The following PTK2B variants were observed in gnomAD, a reference collection of about 807,000 sequenced individuals.
PTK2B encodes protein tyrosine kinase 2 beta, also known as protein-tyrosine kinase 2-beta.
PTK2B carries 71 observed loss-of-function variants against 142.9 expected under a neutral mutation model. That is an observed-to-expected ratio of 0.50 (90% CI 0.41 to 0.61). The LOEUF (loss-of-function observed/expected upper bound fraction) is 0.61. Among genes scored for constraint, PTK2B ranks in the 20% least tolerant of loss-of-function variants. The pLI is 0.00. For missense variants in PTK2B, 1,105 were observed against 1,320.4 expected, an observed-to-expected ratio of 0.84 and a Z score of 2.53; for synonymous variants, 519 against 503.4, an observed-to-expected ratio of 1.03 and a Z score of -0.42.
At chr8:27,447,864 T>TAAA (rs1034056765) in intron 24 of PTK2B, among the ~76,000 whole-genome samples, 7 of 152,022 alleles carry the variant, frequency 4.6e-5, no homozygotes, top group African/African-American at 1.7e-4. Flanking sequence ...GTCTCAAAAA[T>TAAA]AAAAATAAAT....
In PTK2B at chr8:27,439,289, A is replaced by G. The variant is rs1811002682; in HGVS notation, c.1745-20A>G. 5.0e-6 allele frequency: 8 copies of G among 1,599,690 alleles called. No individual in the cohort carries two copies. Among genetic ancestry groups the G allele is most frequent in the Non-Finnish European group, 6.0e-6 (7 of 1,167,084 alleles). ...TCTGATCTTTCTTCCCTAAAAATCAACCTCTTTGCCCACCCAAAGCCTCTG... is the reference window on the plus strand; with the variant it reads ...TCTGATCTTTCTTCCCTAAAAATCAGCCTCTTTGCCCACCCAAAGCCTCTG... On this transcript the variant is annotated intron_variant, in intron 19 of 30. Transcript: ENST00000346049.
chr8:27,350,426 A>G (rs1804975851), intron 1 of PTK2B, among the ~76,000 whole-genome samples: 1 of 152,172 alleles, frequency 6.6e-6, no homozygotes, highest in East Asian at 1.9e-4. Context: ...ATCTCAGCAG[A>G]TAAGATAGGA....
intron 1 of PTK2B, among the ~76,000 whole-genome samples, chr8:27,346,405 G>A (rs761097480): frequency 6.6e-6 from 1 of 152,134 alleles, no homozygotes; most frequent in Non-Finnish European, 1.5e-5. Flanking sequence ...AATTAGCCTG[G>A]TGTGGGGGCA....
chr8:27,373,580 G>A (rs1311266429), intron 1 of PTK2B, among the ~76,000 whole-genome samples: 2 of 152,138 alleles, frequency 1.3e-5, no homozygotes, highest in Non-Finnish European at 2.9e-5. Context: ...TGCTTGGGGG[G>A]CTGAGGCAGG....
At chr8:27,374,208 A>G (rs1300108732) in intron 1 of PTK2B, among the ~76,000 whole-genome samples, 1 of 152,210 alleles carries the variant, frequency 6.6e-6, no homozygotes, top group Non-Finnish European at 1.5e-5. Flanking sequence ...AAGTATTTGC[A>G]GGGCACACAA....
chr8:27,377,660 C>A (rs1167055143), intron 1 of PTK2B, among the ~76,000 whole-genome samples: 1 of 152,204 alleles, frequency 6.6e-6, no homozygotes, highest in African/African-American at 2.4e-5. Context: ...AGACAAAGAG[C>A]TAGTACACTG....
At chr8:27,321,887 A>C (rs929100497), upstream of PTK2B, among the ~76,000 whole-genome samples, 6 of 152,166 alleles carry the variant, frequency 3.9e-5, no homozygotes, top group African/African-American at 1.4e-4. Context: ...TTTGGCCTCA[A>C]CTGTGGCCCA....
upstream of PTK2B, among the ~76,000 whole-genome samples, chr8:27,321,222 T>G (rs934920683): frequency 1.3e-5 from 2 of 151,916 alleles, no homozygotes; most frequent in African/African-American, 4.8e-5. Context: ...CCTCGAACTC[T>G]TGGCCTCAAG....
At chr8:27,414,588 G>A (rs187728777) in intron 2 of PTK2B, among the ~76,000 whole-genome samples, 335 of 152,250 alleles carry the variant, frequency 2.2e-3, no homozygotes, top group African/African-American at 7.6e-3. Context: ...ATGAAGCTCA[G>A]TTTCTCTCTC....
At chr8:27,346,191 C>T (rs1804699878) in intron 1 of PTK2B, among the ~76,000 whole-genome samples, 1 of 152,168 alleles carries the variant, frequency 6.6e-6, no homozygotes, top group African/African-American at 2.4e-5. Context: ...CAGGGAAGAG[C>T]TCATAAAAGA....
intron 5 of PTK2B, among the ~76,000 whole-genome samples, chr8:27,429,681 A>G (rs552038355): frequency 6.6e-6 from 1 of 152,354 alleles, no homozygotes; most frequent in African/African-American, 2.4e-5. Context: ...ATACACACAT[A>G]TAATATCTCA....
chr8:27,344,571 T>C (rs896577906), intron 1 of PTK2B, among the ~76,000 whole-genome samples: 2 of 152,262 alleles, frequency 1.3e-5, no homozygotes, highest in African/African-American at 4.8e-5. Context: ...GTTACTTGTA[T>C]TGATGGCATA....
At chr8:27,334,694 C>G (rs1320051598) in intron 1 of PTK2B, among the ~76,000 whole-genome samples, 1 of 152,216 alleles carries the variant, frequency 6.6e-6, no homozygotes, top group Non-Finnish European at 1.5e-5. Context: ...TCCCTGCACA[C>G]TCATGCCTGG....
At chr8:27,377,289 A>C (rs1156248362) in intron 1 of PTK2B, among the ~76,000 whole-genome samples, 1 of 152,186 alleles carries the variant, frequency 6.6e-6, no homozygotes, top group Non-Finnish European at 1.5e-5. Context: ...GCCAACACTC[A>C]GTGTTGGGTA....
intron 1 of PTK2B, among the ~76,000 whole-genome samples, chr8:27,379,040 C>T (rs1482218432): frequency 6.6e-6 from 1 of 152,138 alleles, no homozygotes; most frequent in Non-Finnish European, 1.5e-5. Flanking sequence ...ACCCAGGATT[C>T]AGGATTCTGA....
intron 1 of PTK2B, among the ~76,000 whole-genome samples, chr8:27,344,839 C>A (rs1451195392): frequency 6.6e-6 from 1 of 152,144 alleles, no homozygotes; most frequent in Non-Finnish European, 1.5e-5. Context: ...AGAACACTTA[C>A]AATTTTTCTT....
chr8:27,443,104 C>A (rs2241661), intron 22 of PTK2B, 121 bp downstream of exon 22: 291,208 of 639,378 alleles, frequency 0.46, 68,835 homozygotes, highest in African/African-American at 0.59. Flanking sequence ...CAGTCCTTCA[C>A]CCAGCATCCA....
At chr8:27,436,191 G>A (rs1208199621) in intron 14 of PTK2B, 60 bp from the exon 15 acceptor site, 1 of 1,539,936 alleles carries the variant, frequency 6.5e-7, no homozygotes, top group East Asian at 2.2e-5. Flanking sequence ...CAGACACTCA[G>A]GTTCCCTAGG....
intron 2 of PTK2B, among the ~76,000 whole-genome samples, chr8:27,410,102 A>G (rs1808967792): frequency 6.6e-6 from 1 of 152,244 alleles, no homozygotes; most frequent in South Asian, 2.1e-4. Context: ...AAACAAACAA[A>G]CAAAAAAGAA....
Sources: gnomAD v4.1 joint callset for allele counts (sites outside exome capture counted in the v4.1 genomes callset) on GRCh38, gnomAD v4.1.1 for gene constraint, MANE v1.5 for transcripts, NCBI Gene and HGNC (gene_info 2026-07-23, HGNC 2026-07-21) for gene names.